Variants in SLC25A13 observed in about 807,000 individuals in gnomAD.
SLC25A13 encodes the protein solute carrier family 25 member 13.
A neutral mutation model predicts 85.5 loss-of-function variants in SLC25A13; 70 were observed. The ratio of observed to expected loss-of-function variants is 0.82; its 90% CI spans 0.68 to 1.00. The LOEUF (loss-of-function observed/expected upper bound fraction) is 1.00. Among genes scored for constraint, SLC25A13 ranks in the 50% least tolerant of loss-of-function variants. The pLI is 0.00. For missense variants in SLC25A13, 765 were observed against 819.8 expected (o/e 0.93, Z 0.82); for synonymous variants, 259 against 288.7 (o/e 0.90, Z 1.04).
Position 96,208,959 on chromosome 7 carries a change from A to G in SLC25A13, c.347T>C (p.Phe116Ser). 6.2e-7 allele frequency: 1 copy of G among 1,614,176 alleles called. No individual in the cohort carries two copies. Among genetic ancestry groups the G allele is most frequent in the Non-Finnish European group, 8.5e-7 (1 of 1,180,010 alleles). The change falls in exon 5 of 18, where the codon TTT (phenylalanine) becomes TCT (serine). Residue 116 changes from phenylalanine to serine, a missense_variant. Transcript: ENST00000265631. ...ATGTTGATGAATTGTGGTCTGTCCAAAAACTTGCTTAACATCCTCTGAAAA... is the reference window on the plus strand; with the variant it reads ...ATGTTGATGAATTGTGGTCTGTCCAGAAACTTGCTTAACATCCTCTGAAAA... ...EVTFEDVKQV[F>S]GQTTIHQHIP...
chr7:96,266,393 T>C (rs1362540729), intron 3 of SLC25A13, among the ~76,000 whole-genome samples: 2 of 152,204 alleles, frequency 1.3e-5, no homozygotes, highest in African/African-American at 4.8e-5. Context: ...GTCTTTCCCA[T>C]TGGCATTCAC....
rs749506606 is a variant in SLC25A13, at chr7:96,146,536, TAA to T, written c.1452+18_1452+19del. 415 of 1,372,980 alleles carry T rather than the reference TAA, an allele frequency of 3.0e-4. No homozygotes were observed. Among genetic ancestry groups the T allele is most frequent in the African/African-American group, 1.1e-3 (74 of 66,298 alleles). 85.0% of individuals were successfully genotyped at this position (1,372,980 alleles called of 1,614,324 possible). On this transcript the variant is annotated intron_variant, in intron 14 of 17. Coordinates refer to ENST00000265631, the MANE Select transcript of SLC25A13 (RefSeq NM_014251.3). ...ATGAGAAAGTAATCAAATAAATGACTAAAAAAAAAAAAAAGTTACCTTGTAGA... is the reference window on the plus strand; with the variant it reads ...ATGAGAAAGTAATCAAATAAATGACTAAAAAAAAAAAAGTTACCTTGTAGA...
intron 3 of SLC25A13, among the ~76,000 whole-genome samples, chr7:96,246,240 G>A (rs531927791): frequency 6.6e-6 from 1 of 152,270 alleles, no homozygotes; most frequent in East Asian, 1.9e-4. Context: ...GGGTACCGAA[G>A]GCACAGCCCA....
At position 96,189,361 on chromosome 7, in the gene SLC25A13, T is replaced by C. The variant is rs1794755958; in HGVS notation, c.866A>G (p.Asp289Gly). ...YEPRGRMTLA[D>G]IERIAPLEEG... is the part of the protein sequence containing the mutation. ...TTCCAGAGGAGCAATCCGTTCAATG[T>C]CTGCTAAGGTCATACGTCTGTAGGG... Residue 289 changes from aspartate (D) to glycine (G), a missense_variant, in exon 9 of 18, where the codon GAC becomes GGC. By Grantham distance (94) the Asp-to-Gly change is moderately conservative. Transcript: ENST00000265631. 1 of 1,614,190 alleles carries C rather than the reference T, an allele frequency of 6.2e-7. No individual in the cohort carries two copies. The highest frequency in any genetic ancestry group is 8.5e-7 in the Non-Finnish European group (1 of 1,180,024).
At chr7:96,259,312 A>G (rs1264246579) in intron 3 of SLC25A13, among the ~76,000 whole-genome samples, 1 of 152,260 alleles carries the variant, frequency 6.6e-6, no homozygotes, top group East Asian at 1.9e-4. Flanking sequence ...CAATTTATCC[A>G]TCTGACAAAG....
chr7:96,209,353 T>TACACATAC (rs141546528), intron 4 of SLC25A13, among the ~76,000 whole-genome samples: 11 of 145,444 alleles, frequency 7.6e-5, no homozygotes, highest in Admixed American at 1.4e-4. Flanking sequence ...GGAAAACACA[T>TACACATAC]ACACACACAC....
At position 96,191,143 on chromosome 7, in the gene SLC25A13, C is replaced by T. The variant is rs545794488; in HGVS notation, c.720G>A (p.Leu240=). The T allele has an allele frequency of 1.2e-6, 2 of 1,614,032 alleles. No individual in the cohort carries two copies. The highest frequency in any genetic ancestry group is 4.5e-5 in the East Asian group (2 of 44,848). ...MELIRKIYST[L]AGTRKDVEVT... ...CTTCAACATCTTTCCTGGTGCCAGC[C>T]AGAGTGCTATAGATCTTTCTAATGA... The change falls in exon 7 of 18, where the codon CTG becomes CTA. Residue 240 remains leucine, a synonymous_variant. Transcript: ENST00000265631.
intron 13 of SLC25A13, chr7:96,167,062 G>A (rs1031442903): frequency 3.3e-5 from 5 of 152,114 alleles, no homozygotes; most frequent in Admixed American, 6.5e-5. Flanking sequence ...GTAAACCCCA[G>A]TCTCAGCATC....
At chr7:96,254,951 T>C (rs1297126618) in intron 3 of SLC25A13, among the ~76,000 whole-genome samples, 1 of 152,066 alleles carries the variant, frequency 6.6e-6, no homozygotes, top group Non-Finnish European at 1.5e-5. Flanking sequence ...TTTTACATAC[T>C]CAAAAATTAA....
In SLC25A13 at chr7:96,322,038, CCGG is replaced by C. The variant is rs759638459; in HGVS notation, c.-85_-83del. 4.0e-4 allele frequency: 603 copies of C among 1,504,856 alleles called. No homozygotes were observed. The highest frequency in any genetic ancestry group is 1.1e-3 in the Admixed American group (55 of 47,994). The allele number at this position is 1,504,856 out of a possible 1,614,324, so 93.2% of individuals were successfully genotyped here. A position where few individuals can be genotyped will look rare whatever the true frequency, so the allele number is the denominator to read the frequency against. ...GGACCCGGGCGGCTCACTTCTAGTCCCGGCGGCGGCGGCGGTGGGGGCGGCGAT... is the reference window on the plus strand; with the variant it reads ...GGACCCGGGCGGCTCACTTCTAGTCCCGGCGGCGGCGGTGGGGGCGGCGAT... On this transcript the variant is annotated 5_prime_UTR_variant, in exon 1 of 18. Coordinates refer to ENST00000265631, the MANE Select transcript of SLC25A13 (RefSeq NM_014251.3).
chr7:96,168,086 G>A (rs367997017), intron 13 of SLC25A13, among the ~76,000 whole-genome samples: 7 of 69,328 alleles, frequency 1.0e-4, no homozygotes, highest in South Asian at 1.4e-3. Context: ...GTGACAGAGC[G>A]AAACTCTGTC....
chr7:96,131,386 T>C (rs1016510220), intron 15 of SLC25A13, among the ~76,000 whole-genome samples: 1 of 152,170 alleles, frequency 6.6e-6, no homozygotes, highest in Non-Finnish European at 1.5e-5. Context: ...TTAGACATCT[T>C]TAAGACAAAC....
intron 3 of SLC25A13, among the ~76,000 whole-genome samples, chr7:96,267,975 G>A (rs114004074): frequency 0.013 from 2,040 of 152,222 alleles, 41 homozygotes; most frequent in African/African-American, 0.047. Flanking sequence ...CACATGGAGT[G>A]CAAAGAGGTT....
intron 2 of SLC25A13, among the ~76,000 whole-genome samples, chr7:96,278,056 T>C (rs1798527726): frequency 6.6e-6 from 1 of 152,182 alleles, no homozygotes; most frequent in Non-Finnish European, 1.5e-5. Flanking sequence ...CAAACAACGC[T>C]TCCTCACAGT....
chr7:96,219,662 G>C (rs760059513), intron 4 of SLC25A13: 1 of 533,956 alleles, frequency 1.9e-6, no homozygotes, highest in East Asian at 5.4e-5. Flanking sequence ...CAAAAATTAT[G>C]AATCAGTAGA....
intron 3 of SLC25A13, among the ~76,000 whole-genome samples, chr7:96,264,562 G>A (rs185040176): frequency 2.0e-5 from 3 of 152,196 alleles, no homozygotes; most frequent in Non-Finnish European, 2.9e-5. Flanking sequence ...AAATTGTTGA[G>A]GTCCCCACAG....
At chr7:96,240,737 C>G (rs1234307965) in intron 3 of SLC25A13, among the ~76,000 whole-genome samples, 1 of 138,234 alleles carries the variant, frequency 7.2e-6, no homozygotes, top group Non-Finnish European at 1.6e-5. Flanking sequence ...GAGTGAGACA[C>G]CATCTACTAG....
At chr7:96,195,886 A>G (rs1015187104) in intron 5 of SLC25A13, among the ~76,000 whole-genome samples, 1 of 152,230 alleles carries the variant, frequency 6.6e-6, no homozygotes, top group Non-Finnish European at 1.5e-5. Context: ...CTGAATATCA[A>G]TTATAAAACT....
chr7:96,305,461 A>G (rs1799709761), intron 1 of SLC25A13, among the ~76,000 whole-genome samples: 1 of 152,190 alleles, frequency 6.6e-6, no homozygotes. Flanking sequence ...TTCAGTCTCA[A>G]TTTTTGTAAG....
Sources: gnomAD v4.1 joint callset for allele counts (sites outside exome capture counted in the v4.1 genomes callset) on GRCh38, gnomAD v4.1.1 for gene constraint, MANE v1.5 for transcripts, NCBI Gene and HGNC (gene_info 2026-07-23, HGNC 2026-07-21) for gene names.